Variants in BCL2L14 observed in about 807,000 individuals in gnomAD.
BCL2L14 encodes BCL2 like 14, also known as apoptosis facilitator Bcl-2-like protein 14.
A neutral mutation model predicts 35.3 loss-of-function variants in BCL2L14; 27 were observed. The ratio of observed to expected loss-of-function variants is 0.76; its 90% CI spans 0.56 to 1.05. BCL2L14 has a LOEUF of 1.05. Among genes scored for constraint, BCL2L14 ranks in the 50% least tolerant of loss-of-function variants. The pLI, the probability that BCL2L14 is intolerant of heterozygous loss-of-function variation, is 0.00. For missense variants in BCL2L14, 377 were observed against 382.6 expected (o/e 0.99, Z 0.12); for synonymous variants, 139 against 145.9 (o/e 0.95, Z 0.34).
At chr12:12,061,475 C>T (rs1948525079) in intron 2 of BCL2L14, among the ~76,000 whole-genome samples, 1 of 146,778 alleles carries the variant, frequency 6.8e-6, no homozygotes, top group Admixed American at 7.0e-5. Context: ...ACAATTCCCC[C>T]ATCTTACCTG....
chr12:12,074,600 G>A (rs2136736034), intron 1 of BCL2L14, among the ~76,000 whole-genome samples: 1 of 151,884 alleles, frequency 6.6e-6, no homozygotes, highest in Non-Finnish European at 1.5e-5. Flanking sequence ...CACCATACCT[G>A]GCTAATTTTT....
chr12:12,085,216 A>C (rs1949017292), intron 2 of BCL2L14, among the ~76,000 whole-genome samples: 1 of 152,042 alleles, frequency 6.6e-6, no homozygotes, highest in Non-Finnish European at 1.5e-5. Context: ...GGGACCCTTC[A>C]TGGAGCTTCT....
chr12:12,059,964 T>C (rs1184233117), intron 2 of BCL2L14, among the ~76,000 whole-genome samples: 3 of 152,132 alleles, frequency 2.0e-5, no homozygotes, highest in African/African-American at 4.8e-5. Flanking sequence ...CTGTTCCCAA[T>C]GCAACTCATC....
chr12:12,097,006 T>C (rs2961551), intron 5 of BCL2L14, among the ~76,000 whole-genome samples: 40,319 of 151,992 alleles, frequency 0.27, 5,490 homozygotes, highest in East Asian at 0.37. Flanking sequence ...TAGCCGGGCA[T>C]GGTGGCAGGT....
intron 2 of BCL2L14, among the ~76,000 whole-genome samples, chr12:12,084,267 C>G (rs912515402): frequency 6.6e-6 from 1 of 152,198 alleles, no homozygotes; most frequent in African/African-American, 2.4e-5. Flanking sequence ...CCTTAGCTCC[C>G]TTTTCGAGAG....
chr12:12,052,965 C>T (rs960369978), intron 2 of BCL2L14, among the ~76,000 whole-genome samples: 2 of 152,270 alleles, frequency 1.3e-5, no homozygotes, highest in Admixed American at 6.5e-5. Flanking sequence ...AAGAGCAAGA[C>T]GGTTCATGAA....
chr12:12,096,922 T>C (rs1482818129), intron 5 of BCL2L14, among the ~76,000 whole-genome samples: 7 of 152,088 alleles, frequency 4.6e-5, no homozygotes, highest in African/African-American at 1.7e-4. Context: ...GGCGGGTGGA[T>C]CACGAGGTCA....
intron 1 of BCL2L14, among the ~76,000 whole-genome samples, chr12:12,078,585 C>A (rs563829016): frequency 1.9e-4 from 29 of 152,326 alleles, no homozygotes; most frequent in Middle Eastern, 3.4e-3. Flanking sequence ...CCAGTTCTCT[C>A]ACCACTCTTC....
intron 2 of BCL2L14, among the ~76,000 whole-genome samples, chr12:12,058,607 C>A (rs1457265455): frequency 6.6e-6 from 1 of 151,980 alleles, no homozygotes; most frequent in African/African-American, 2.4e-5. Context: ...CCCACTCCTG[C>A]CCGCCAGAGA....
At chr12:12,075,511 C>T (rs765209382) in intron 1 of BCL2L14, among the ~76,000 whole-genome samples, 4 of 151,794 alleles carry the variant, frequency 2.6e-5, no homozygotes, top group Non-Finnish European at 4.4e-5. Context: ...CTGCAACCTC[C>T]GCCTCCTGGG....
upstream of BCL2L14, among the ~76,000 whole-genome samples, chr12:12,067,386 A>G (rs570969668): frequency 2.7e-4 from 41 of 152,242 alleles, no homozygotes; most frequent in Non-Finnish European, 7.4e-5. Flanking sequence ...CCCCGTCTTT[A>G]TTAAAAATAC....
At chr12:12,095,612 C>G (rs1949298085) in intron 5 of BCL2L14, 1 of 985,272 alleles carries the variant, frequency 1.0e-6, no homozygotes, top group African/African-American at 1.7e-5. Context: ...AACTTTAACT[C>G]TCAACAGGCC....
At chr12:12,097,075 G>C (rs1949329480) in intron 5 of BCL2L14, among the ~76,000 whole-genome samples, 1 of 152,136 alleles carries the variant, frequency 6.6e-6, no homozygotes, top group African/African-American at 2.4e-5. Flanking sequence ...AACCTGGGAG[G>C]CGGAGCTTGC....
rs1274725856 is a variant in BCL2L14 at position 12,053,420 on chromosome 12, CTTCT to C, written c.-272+1576_-272+1579del. ...TACAATGGCCCTATAACTTCTTCTT[CTTCT>C]TTTTTTTTTTTTTGAGACGAAGTTT... On this transcript the variant is annotated intron_variant, in intron 2 of 3. Coordinates refer to the BCL2L14 transcript ENST00000461264. 2.1e-3 allele frequency among the ~76,000 whole-genome samples: 89 copies of C among 43,024 alleles called. 1 individual carries two copies. The highest frequency in any genetic ancestry group is 7.4e-3 in the Admixed American group (22 of 2,970). The allele number at this position is 43,024 out of a possible 152,430, so 28.2% of individuals were successfully genotyped here.
chr12:12,075,108 C>CT (rs1164173302), intron 1 of BCL2L14, among the ~76,000 whole-genome samples: 2 of 151,574 alleles, frequency 1.3e-5, no homozygotes, highest in East Asian at 1.9e-4. Flanking sequence ...TAATATGTTT[C>CT]TTTTTTTTCT....
intron 1 of BCL2L14, among the ~76,000 whole-genome samples, chr12:12,078,222 C>A (rs1948823769): frequency 6.6e-6 from 1 of 152,036 alleles, no homozygotes; most frequent in Non-Finnish European, 1.5e-5. Flanking sequence ...CAGATGAAAT[C>A]TTACATGGCA....
chr12:12,070,306 G>A (rs1164375002), upstream of BCL2L14, among the ~76,000 whole-genome samples: 1 of 152,188 alleles, frequency 6.6e-6, no homozygotes, highest in Non-Finnish European at 1.5e-5. Context: ...ATAGGGATCC[G>A]TAGCAAGATA....
intron 2 of BCL2L14, among the ~76,000 whole-genome samples, chr12:12,058,968 A>C (rs1468649151): frequency 6.6e-6 from 1 of 152,002 alleles, no homozygotes; most frequent in Non-Finnish European, 1.5e-5. Flanking sequence ...CAACCTCCCT[A>C]ACCCTCAGCC....
At chr12:12,094,951 A>ATAGGAT in intron 5 of BCL2L14, 21 bp downstream of exon 5, 1 of 1,604,330 alleles carries the variant, frequency 6.2e-7, no homozygotes, top group South Asian at 1.1e-5. Context: ...CCTATTTAAA[A>ATAGGAT]ACAAATTTTC....
Sources: gnomAD v4.1 joint callset for allele counts (sites outside exome capture counted in the v4.1 genomes callset) on GRCh38, gnomAD v4.1.1 for gene constraint, MANE v1.5 for transcripts, NCBI Gene and HGNC (gene_info 2026-07-23, HGNC 2026-07-21) for gene names.